Variants in TTLL13 observed in about 807,000 individuals in gnomAD.
TTLL13 encodes tubulin polyglutamylase TTLL13.
chr15:90,263,204 C>T, the TTLL13 span: 1 of 1,423,126 alleles, frequency 7.0e-7, no homozygotes, highest in South Asian at 1.4e-5. Flanking sequence ...CATTCCAGGA[C>T]ATGGTGTTGG....
At chr15:90,256,356 C>G in the TTLL13 span, 8 of 1,605,368 alleles carry the variant, frequency 5.0e-6, no homozygotes, top group Admixed American at 3.4e-5. Context: ...GCTGCCTCAT[C>G]TCTCCCAAAA....
the TTLL13 span, chr15:90,264,140 A>C: frequency 1.2e-6 from 1 of 804,358 alleles, no homozygotes; most frequent in Admixed American, 2.5e-5. Context: ...CCCCTAAAAT[A>C]TAATATGGCA....
the TTLL13 span, among the ~76,000 whole-genome samples, chr15:90,254,089 C>T: frequency 6.6e-6 from 1 of 152,022 alleles, no homozygotes; most frequent in South Asian, 2.1e-4. Context: ...GCAGGTGGAT[C>T]AATTCAGGTC....
chr15:90,262,603 AC>A, the TTLL13 span: 1 of 1,533,622 alleles, frequency 6.5e-7, no homozygotes, highest in Non-Finnish European at 8.7e-7. Flanking sequence ...AGAAAAGCCG[AC>A]CCAGGGCAGG....
the TTLL13 span, chr15:90,257,033 G>T: frequency 1.8e-6 from 2 of 1,119,978 alleles, no homozygotes; most frequent in South Asian, 1.6e-5. Context: ...ATTTTACATG[G>T]TTATTGTGGA....
the TTLL13 span, chr15:90,262,425 A>C: frequency 1.4e-6 from 2 of 1,413,286 alleles, no homozygotes; most frequent in Non-Finnish European, 9.2e-7. Flanking sequence ...CCTCATCCCC[A>C]TTTTTCCTCA....
the TTLL13 span, among the ~76,000 whole-genome samples, chr15:90,256,978 G>A: frequency 1.3e-5 from 2 of 152,144 alleles, no homozygotes; most frequent in Admixed American, 1.3e-4. Flanking sequence ...GAGCCACCAT[G>A]CCTGGCCTCT....
At chr15:90,258,440 G>C in the TTLL13 span, 1 of 669,446 alleles carries the variant, frequency 1.5e-6, no homozygotes, top group Non-Finnish European at 2.5e-6. Flanking sequence ...TTGACCTGCT[G>C]AGTCAAATCT....
chr15:90,250,410 T>G, the TTLL13 span, among the ~76,000 whole-genome samples: 2 of 152,160 alleles, frequency 1.3e-5, no homozygotes, highest in African/African-American at 4.8e-5. Context: ...CATCAGGGAA[T>G]CCACATCTCA....
At chr15:90,256,136 C>T in the TTLL13 span, 2 of 1,613,948 alleles carry the variant, frequency 1.2e-6, no homozygotes, top group Non-Finnish European at 8.5e-7. Context: ...CCTCTCTGCA[C>T]ATAGCTATGG....
At chr15:90,255,871 G>T in the TTLL13 span, 12 of 1,614,196 alleles carry the variant, frequency 7.4e-6, no homozygotes, top group Non-Finnish European at 9.3e-6. Flanking sequence ...CCCGCACCTG[G>T]TGCCTCCCCG....
the TTLL13 span, among the ~76,000 whole-genome samples, chr15:90,256,571 T>TTC: frequency 3.3e-5 from 1 of 30,260 alleles, no homozygotes; most frequent in African/African-American, 1.4e-4. Context: ...CTTTCTTTCT[T>TTC]TCTTTCTTTC....
chr15:90,261,934 T>G, the TTLL13 span: 1 of 1,268,530 alleles, frequency 7.9e-7, no homozygotes, highest in Non-Finnish European at 1.0e-6. Flanking sequence ...CTCCAAACCT[T>G]AGTCAGTCTT....
chr15:90,263,733 C>T, the TTLL13 span: 3 of 680,362 alleles, frequency 4.4e-6, no homozygotes, highest in Admixed American at 6.2e-5. Context: ...CTGCTCTTCT[C>T]CTCTAGCCTA....
chr15:90,259,813 G>A, the TTLL13 span, among the ~76,000 whole-genome samples: 2 of 152,212 alleles, frequency 1.3e-5, no homozygotes, highest in Non-Finnish European at 2.9e-5. Context: ...GTCACCCATT[G>A]TTGTTTTCTT....
the TTLL13 span, among the ~76,000 whole-genome samples, chr15:90,250,082 C>G: frequency 1.3e-5 from 2 of 151,768 alleles, no homozygotes; most frequent in East Asian, 1.9e-4. Context: ...CTCAGCCTCC[C>G]GAGTAGCTGG....
At chr15:90,265,289 G>A in the TTLL13 span, 1 of 1,231,120 alleles carries the variant, frequency 8.1e-7, no homozygotes, top group Non-Finnish European at 1.0e-6. Flanking sequence ...AGGCCATCCA[G>A]GAGACAATGA....
chr15:90,263,080 G>A, the TTLL13 span: 4 of 1,536,130 alleles, frequency 2.6e-6, no homozygotes, highest in Non-Finnish European at 3.5e-6. Context: ...CCTGGGTATT[G>A]TAGAGCAGCT....
chr15:90,264,155 C>T, the TTLL13 span: 2 of 733,700 alleles, frequency 2.7e-6, no homozygotes, highest in Middle Eastern at 5.2e-4. Context: ...ATGGCACTTC[C>T]ACCAGTGTAA....
Sources: gnomAD v4.1 joint callset for allele counts (sites outside exome capture counted in the v4.1 genomes callset) on GRCh38, gnomAD v4.1.1 for gene constraint, MANE v1.5 for transcripts, NCBI Gene and HGNC (gene_info 2026-07-23, HGNC 2026-07-21) for gene names.